Variants in ANKRD12 observed in about 807,000 individuals in gnomAD.
ANKRD12 encodes the protein ankyrin repeat domain 12.
ANKRD12 carries 85 observed loss-of-function variants against 183.4 expected under a neutral mutation model. That is an observed-to-expected ratio of 0.46 (90% CI 0.39 to 0.56). The LOEUF is 0.56. ANKRD12 is among the 20% of genes least tolerant of loss of function. ANKRD12 has a pLI of 0.00. For missense variants in ANKRD12, 2,405 were observed against 2,357.1 expected, an observed-to-expected ratio of 1.02 and a Z score of -0.42; for synonymous variants, 914 against 800.2, an observed-to-expected ratio of 1.14 and a Z score of -2.40.
At chr18:9,167,482 G>A (rs1444892093) in intron 1 of ANKRD12, among the ~76,000 whole-genome samples, 1 of 152,134 alleles carries the variant, frequency 6.6e-6, no homozygotes, top group East Asian at 1.9e-4. Context: ...TGAAGCAATT[G>A]TGAATGGGAG....
intron 6 of ANKRD12, among the ~76,000 whole-genome samples, chr18:9,215,978 G>C (rs890323170): frequency 2.0e-5 from 3 of 150,640 alleles, no homozygotes; most frequent in Admixed American, 6.6e-5. Context: ...AAAACAGATT[G>C]ACCTTAGAGG....
At chr18:9,153,275 A>G (rs575262600) in intron 1 of ANKRD12, among the ~76,000 whole-genome samples, 27 of 152,356 alleles carry the variant, frequency 1.8e-4, no homozygotes, top group Non-Finnish European at 3.5e-4. Context: ...AGTATCACCA[A>G]TAGCTTAGTT....
Position 9,256,857 on chromosome 18 carries a change from C to T in ANKRD12, c.3590C>T (p.Pro1197Leu), listed in dbSNP as rs138768144. 1.5e-5 allele frequency: 25 copies of T among 1,613,868 alleles called. No individual in the cohort carries two copies. Among genetic ancestry groups the T allele is most frequent in the African/African-American group, 6.7e-5 (5 of 74,980 alleles). The change falls in exon 9 of 13, where the codon CCG becomes CTG. Residue 1197 changes from proline (P) to leucine (L), a missense_variant. Transcript: ENST00000262126. ...TCTCCTAGATCAGAAAATGAAAAGC[C>T]GGGTCTCAGCTCCAGATCTGTATCC... ...NRSPRSENEK[P>L]GLSSRSVSMI... is the part of the protein sequence containing the mutation.
chr18:9,266,930 A>T (rs956974107), intron 10 of ANKRD12, among the ~76,000 whole-genome samples: 1 of 152,234 alleles, frequency 6.6e-6, no homozygotes, highest in Non-Finnish European at 1.5e-5. Flanking sequence ...AGATCTATCA[A>T]GCAAATGGAA....
At chr18:9,225,004 A>C (rs576593100) in intron 8 of ANKRD12, among the ~76,000 whole-genome samples, 1 of 152,314 alleles carries the variant, frequency 6.6e-6, no homozygotes, top group African/African-American at 2.4e-5. Context: ...CCAGGAGCTG[A>C]ACCCAGGAGT....
At chr18:9,269,019 A>T (rs2039456480) in intron 10 of ANKRD12, among the ~76,000 whole-genome samples, 1 of 152,208 alleles carries the variant, frequency 6.6e-6, no homozygotes, top group Non-Finnish European at 1.5e-5. Context: ...TCCCATTCAC[A>T]ATTGCTTCAA....
intron 8 of ANKRD12, among the ~76,000 whole-genome samples, chr18:9,246,005 A>G (rs2037942244): frequency 6.6e-6 from 1 of 152,222 alleles, no homozygotes; most frequent in South Asian, 2.1e-4. Context: ...CTTTATGGTC[A>G]TGACAGATGT....
intron 6 of ANKRD12, 121 bp downstream of exon 6, chr18:9,211,905 T>A (rs1248641485): frequency 9.2e-6 from 8 of 865,858 alleles, no homozygotes; most frequent in Non-Finnish European, 1.4e-5. Context: ...AAAATACTCT[T>A]TATTACAAAA....
chr18:9,158,442 C>T (rs1445010531), intron 1 of ANKRD12, among the ~76,000 whole-genome samples: 6 of 152,100 alleles, frequency 3.9e-5, no homozygotes, highest in Non-Finnish European at 8.8e-5. Context: ...TTTTGATGAA[C>T]TTGACAGTGT....
intron 8 of ANKRD12, 134 bp downstream of exon 8, chr18:9,222,133 A>T: frequency 9.1e-7 from 1 of 1,102,352 alleles, no homozygotes; most frequent in Non-Finnish European, 1.3e-6. Flanking sequence ...ATGCTTAGCT[A>T]ACTAGCTAAG....
At chr18:9,193,055 T>C (rs1287464705) in intron 2 of ANKRD12, among the ~76,000 whole-genome samples, 1 of 152,108 alleles carries the variant, frequency 6.6e-6, no homozygotes, top group East Asian at 1.9e-4. Context: ...TGAGCTAGTT[T>C]TTAGTAATCC....
At chr18:9,269,758 A>G (rs2039495021) in intron 10 of ANKRD12, among the ~76,000 whole-genome samples, 1 of 152,260 alleles carries the variant, frequency 6.6e-6, no homozygotes, top group African/African-American at 2.4e-5. Flanking sequence ...ACAAAAGTCA[A>G]AATTGACAGA....
Position 9,258,772 on chromosome 18 carries a change from A to G in ANKRD12, c.5505A>G (p.Pro1835=), listed in dbSNP as rs2038792191. ...CATACAGTTCAGAGAGAGCAAATCC[A>G]TATTTTGAATACTTGCACATAAGGA... is the stretch of plus-strand genomic sequence containing the variant. ...IQPYSSERAN[P]YFEYLHIRKK... is the part of the protein sequence containing the mutation. The change falls in exon 9 of 13, where the codon CCA becomes CCG. Residue 1835 remains proline (P), a synonymous_variant. Coordinates refer to ENST00000262126, the MANE Select transcript of ANKRD12 (RefSeq NM_015208.5). The G allele has an allele frequency of 3.1e-6, 5 of 1,613,942 alleles. No homozygotes were observed. The East Asian group carries it at 6.7e-5, about 22-fold the overall frequency.
intron 8 of ANKRD12, among the ~76,000 whole-genome samples, chr18:9,232,739 A>T (rs2037122647): frequency 6.6e-6 from 1 of 152,070 alleles, no homozygotes; most frequent in South Asian, 2.1e-4. Flanking sequence ...TGGGGATACC[A>T]GTAATTCATA....
In ANKRD12 at chr18:9,157,550, G is replaced by GGTGTGT. The variant is rs71168037; in HGVS notation, c.-52+20616_-52+20621dup. ...AATGGTAAATTTTATGGTGTGTGTG[G>GGTGTGT]GTGTGTGTGTGTGTGTGTGTGTGTG... On this transcript the variant is annotated intron_variant, in intron 1 of 12. Transcript: ENST00000262126. Among the ~76,000 whole-genome samples the GGTGTGT allele has an allele frequency of 1.4e-3, 160 of 114,586 alleles. 1 individual carries two copies. The highest frequency in any genetic ancestry group is 4.6e-3 in the East Asian group (20 of 4,372). The allele number at this position is 114,586 out of a possible 152,430, so 75.2% of individuals were successfully genotyped here.
chr18:9,270,365 A>G (rs1051841615), intron 10 of ANKRD12, among the ~76,000 whole-genome samples: 11 of 152,168 alleles, frequency 7.2e-5, no homozygotes, highest in Admixed American at 4.6e-4. Context: ...AACCAACCCA[A>G]ATGTCCAACA....
rs751953590 is a variant in ANKRD12, at chr18:9,195,577, C to T, written c.114C>T (p.Ser38=). 1.2e-6 allele frequency: 2 copies of T among 1,608,738 alleles called. No individual in the cohort carries two copies. Among genetic ancestry groups the T allele is most frequent in the South Asian group, 1.1e-5 (1 of 90,424 alleles). ...RKSKDKIASY[S]KTPKIERSDV... is the part of the protein sequence containing the mutation. ...GTAAAGACAAGATTGCATCCTACAG[C>T]AAAACTCCAAAAATTGAACGAAGTG... The change falls in exon 3 of 13, where the codon AGC becomes AGT. Residue 38 remains serine, a synonymous_variant. Transcript: ENST00000262126.
chr18:9,256,240 A>G lies in ANKRD12; in HGVS notation c.2973A>G (p.Lys991=). 2 of 1,601,526 alleles carry G rather than the reference A, an allele frequency of 1.2e-6. No individual in the cohort carries two copies. Among genetic ancestry groups the G allele is most frequent in the Non-Finnish European group, 1.7e-6 (2 of 1,176,250 alleles). The change falls in exon 9 of 13, where the codon AAA becomes AAG. Residue 991 remains lysine, a synonymous_variant. Transcript: ENST00000262126. ...EKKSSIVDGN[K]AQHEKPLSLK... ...AATCAAGTATAGTAGACGGTAATAA[A>G]GCACAACATGAAAAACCCTTATCCC... is the stretch of plus-strand genomic sequence containing the variant.
At chr18:9,198,352 A>G in intron 3 of ANKRD12, among the ~76,000 whole-genome samples, 1 of 145,238 alleles carries the variant, frequency 6.9e-6, no homozygotes, top group Admixed American at 6.7e-5. Context: ...CATCAATAGT[A>G]ATCAAGAAAT....
Sources: gnomAD v4.1 joint callset for allele counts (sites outside exome capture counted in the v4.1 genomes callset) on GRCh38, gnomAD v4.1.1 for gene constraint, MANE v1.5 for transcripts, NCBI Gene and HGNC (gene_info 2026-07-23, HGNC 2026-07-21) for gene names.